Variants in MAPKAP1 observed in about 807,000 individuals in gnomAD.
MAPKAP1 encodes MAPK associated protein 1, also known as target of rapamycin complex 2 subunit MAPKAP1.
MAPKAP1 carries 20 observed loss-of-function variants against 65.7 expected under a neutral mutation model. That is an observed-to-expected ratio of 0.30 (90% CI 0.21 to 0.44). The LOEUF (loss-of-function observed/expected upper bound fraction) is 0.44, where lower values mean the gene tolerates loss of function less well. Ranked by LOEUF, MAPKAP1 falls within the 20% of genes least tolerant of loss-of-function variation. The probability of loss-of-function intolerance (pLI) is 1.00; values close to 1 mark genes in which losing one functional copy is unlikely to be tolerated. For synonymous variants in MAPKAP1, 222 were observed against 244.3 expected (o/e 0.91, Z 0.85); for missense variants, 423 against 648.0 (o/e 0.65, Z 3.77).
intron 7 of MAPKAP1, among the ~76,000 whole-genome samples, chr9:125,515,103 A>C (rs1252447501): frequency 6.6e-6 from 1 of 152,142 alleles, no homozygotes; most frequent in African/African-American, 2.4e-5. Flanking sequence ...AAATAATAAA[A>C]AAGGAACAAG....
intron 3 of MAPKAP1, among the ~76,000 whole-genome samples, chr9:125,665,313 AAAAC>A (rs1028674165): frequency 4.6e-5 from 7 of 152,178 alleles, no homozygotes; most frequent in Non-Finnish European, 8.8e-5. Flanking sequence ...CTCTGTCTCA[AAAAC>A]AAACAAACAA....
intron 4 of MAPKAP1, among the ~76,000 whole-genome samples, chr9:125,594,689 C>T (rs1371167759): frequency 6.6e-6 from 1 of 152,132 alleles, no homozygotes; most frequent in East Asian, 1.9e-4. Flanking sequence ...TGTAACTACC[C>T]TCACCACCTC....
intron 1 of MAPKAP1, among the ~76,000 whole-genome samples, chr9:125,700,484 AATTACT>A (rs1194282663): frequency 9.9e-5 from 15 of 152,222 alleles, no homozygotes; most frequent in Non-Finnish European, 1.9e-4. Context: ...TTTCACAAGC[AATTACT>A]ATAACTTAAT....
At chr9:125,560,946 G>A (rs909254282) in intron 5 of MAPKAP1, among the ~76,000 whole-genome samples, 4 of 152,218 alleles carry the variant, frequency 2.6e-5, no homozygotes, top group African/African-American at 4.8e-5. Context: ...CATACAGACA[G>A]TGTAAGAGTG....
chr9:125,686,671 ACC>A (rs1452859760), intron 1 of MAPKAP1, among the ~76,000 whole-genome samples: 1 of 152,184 alleles, frequency 6.6e-6, no homozygotes, highest in African/African-American at 2.4e-5. Flanking sequence ...TTTGACCTCT[ACC>A]ACACCTGTGC....
chr9:125,515,304 T>C (rs1205142746), intron 7 of MAPKAP1, among the ~76,000 whole-genome samples: 3 of 152,214 alleles, frequency 2.0e-5, no homozygotes, highest in African/African-American at 4.8e-5. Flanking sequence ...TTTGAAAGCA[T>C]GACCCATCAG....
In MAPKAP1 at chr9:125,470,570, C is replaced by T. The variant is rs188558701; in HGVS notation, c.1208-2461G>A. 1.1e-3 allele frequency among the ~76,000 whole-genome samples: 169 copies of T among 152,334 alleles called. No individual in the cohort carries two copies. In the Middle Eastern group the frequency reaches 0.014, roughly 12 times the overall value. The stretch of plus-strand genomic sequence containing the variant: ...CTTTAACTTCTATTATTTTTATCTG[C>T]AAATTGTTACCGTATAGTTCATCCA... On this transcript the variant is annotated intron_variant, in intron 9 of 11. Coordinates refer to ENST00000265960, the MANE Select transcript of MAPKAP1 (RefSeq NM_001006617.3).
intron 5 of MAPKAP1, among the ~76,000 whole-genome samples, chr9:125,579,846 C>T (rs1232921933): frequency 1.3e-5 from 2 of 152,160 alleles, no homozygotes; most frequent in Non-Finnish European, 2.9e-5. Context: ...ACCAAACAAA[C>T]CTGAGAAATC....
Position 125,438,736 on chromosome 9 carries a change from G to T in MAPKAP1, c.*151C>A. ...CAGCGCTCCCTCCTAGGGGGCCCCC[G>T]ACACCTTCCCCGAGAGCCCACCTGC... On this transcript the variant is annotated 3_prime_UTR_variant, in exon 12 of 12. Transcript: ENST00000265960. 1 of 1,079,812 alleles carries T rather than the reference G, an allele frequency of 9.3e-7. No homozygotes were observed. The highest frequency in any genetic ancestry group is 1.3e-6 in the Non-Finnish European group (1 of 751,260). 66.9% of individuals were successfully genotyped at this position (1,079,812 alleles called of 1,614,324 possible). A position where few individuals can be genotyped will look rare whatever the true frequency, so the allele number is the denominator to read the frequency against.
At chr9:125,624,390 G>T (rs1485521434) in intron 4 of MAPKAP1, among the ~76,000 whole-genome samples, 1 of 83,478 alleles carries the variant, frequency 1.2e-5, no homozygotes, top group African/African-American at 4.1e-5. Flanking sequence ...AGGTGGGGGG[G>T]TCGGCCCCCA....
chr9:125,505,094 T>C (rs573760258), intron 8 of MAPKAP1, among the ~76,000 whole-genome samples: 12 of 152,222 alleles, frequency 7.9e-5, no homozygotes, highest in Admixed American at 6.5e-4. Context: ...ACATCTATAA[T>C]CCCAACATTT....
intron 4 of MAPKAP1, among the ~76,000 whole-genome samples, chr9:125,601,970 T>G (rs1033007682): frequency 9.9e-5 from 15 of 152,160 alleles, no homozygotes; most frequent in African/African-American, 3.6e-4. Flanking sequence ...AAATGCATGT[T>G]GAAATATAAA....
At position 125,484,453 on chromosome 9, in the gene MAPKAP1, G is replaced by A. The variant is rs373758550; in HGVS notation, c.1197C>T (p.Asp399=). 79 of 1,610,778 alleles carry A rather than the reference G, an allele frequency of 4.9e-5. No homozygotes were observed. Among genetic ancestry groups the A allele is most frequent in the Admixed American group, 6.7e-5 (4 of 59,598 alleles). Reference sequence around the variant, plus strand: ...TGCTCACACACTTACCTAGCTGTACGTCGGTTGTGAATCGCAGTCTGTGGA... The same window carrying A: ...TGCTCACACACTTACCTAGCTGTACATCGGTTGTGAATCGCAGTCTGTGGA... The part of the protein sequence containing the change: ...SMIHRLRFTT[D]VQLGISGDKV... The change falls in exon 9 of 12, where the codon GAC becomes GAT. Residue 399 remains aspartate, a synonymous_variant. Coordinates refer to ENST00000265960, the MANE Select transcript of MAPKAP1 (RefSeq NM_001006617.3).
chr9:125,485,312 C>A (rs62570179), intron 8 of MAPKAP1, among the ~76,000 whole-genome samples: 1 of 152,160 alleles, frequency 6.6e-6, no homozygotes, highest in Non-Finnish European at 1.5e-5. Flanking sequence ...CTTTCTGATC[C>A]ATTTTTCTAA....
In MAPKAP1 at chr9:125,656,260, C is replaced by T. The variant is rs145660729; in HGVS notation, c.498+1391G>A. Among the ~76,000 whole-genome samples the T allele has an allele frequency of 2.0e-4, 31 of 152,256 alleles. No homozygotes were observed. The East Asian group carries it at 5.0e-3, about 25-fold the overall frequency. ...TTTAAATCCTATGTAGTCCAACTCG[C>T]CATTTTCCAGAGGCTGACATTCCTG... is the stretch of plus-strand genomic sequence containing the variant. On this transcript the variant is annotated intron_variant, in intron 4 of 11. Transcript: ENST00000265960.
At chr9:125,613,291 A>G (rs1216693781) in intron 4 of MAPKAP1, among the ~76,000 whole-genome samples, 1 of 152,200 alleles carries the variant, frequency 6.6e-6, no homozygotes, top group East Asian at 1.9e-4. Context: ...CCCTCTTTTC[A>G]GGAATAAAGC....
intron 5 of MAPKAP1, among the ~76,000 whole-genome samples, chr9:125,573,925 A>G (rs879605625): frequency 6.6e-6 from 1 of 152,212 alleles, no homozygotes; most frequent in African/African-American, 2.4e-5. Context: ...TAACTATCTG[A>G]ATTAATTATT....
chr9:125,505,541 T>C (rs1048192780), intron 8 of MAPKAP1, among the ~76,000 whole-genome samples: 1 of 152,198 alleles, frequency 6.6e-6, no homozygotes, highest in African/African-American at 2.4e-5. Flanking sequence ...GTATGCGGTA[T>C]GGCAGAATAT....
At chr9:125,598,899 G>A (rs1832218807) in intron 4 of MAPKAP1, among the ~76,000 whole-genome samples, 1 of 151,876 alleles carries the variant, frequency 6.6e-6, no homozygotes, top group Admixed American at 6.6e-5. Context: ...AAATAGCCAG[G>A]CGTGGTGGCA....
Sources: gnomAD v4.1 joint callset for allele counts (sites outside exome capture counted in the v4.1 genomes callset) on GRCh38, gnomAD v4.1.1 for gene constraint, MANE v1.5 for transcripts, NCBI Gene and HGNC (gene_info 2026-07-23, HGNC 2026-07-21) for gene names.